Variants in CACNA1A observed in about 807,000 individuals in gnomAD.
The protein encoded by CACNA1A is voltage-dependent P/Q-type calcium channel subunit alpha-1A.
A neutral mutation model predicts 262.4 loss-of-function variants in CACNA1A; 57 were observed. The ratio of observed to expected loss-of-function variants is 0.22; its 90% CI spans 0.18 to 0.27. The LOEUF (loss-of-function observed/expected upper bound fraction) is 0.27. CACNA1A is among the 10% of genes least tolerant of loss of function. The pLI is 1.00. For synonymous variants in CACNA1A, 1,431 were observed against 1,419.3 expected (o/e 1.01, Z -0.18); for missense variants, 2,526 against 3,562.8 (o/e 0.71, Z 7.41).
chr19:13,224,835 C>G, intron 37 of CACNA1A, 63 bp from the exon 38 acceptor site: 3 of 1,199,372 alleles, frequency 2.5e-6, no homozygotes. Flanking sequence ...TCCCGTGAGC[C>G]GCGCCCGCCC....
intron 2 of CACNA1A, among the ~76,000 whole-genome samples, chr19:13,453,296 A>G (rs1379246753): frequency 6.6e-6 from 1 of 152,234 alleles, no homozygotes; most frequent in Non-Finnish European, 1.5e-5. Flanking sequence ...GTCTTATTCA[A>G]TACGACAGTC....
intron 30 of CACNA1A, chr19:13,252,618 G>A (rs980574933): frequency 6.5e-6 from 1 of 154,462 alleles, no homozygotes; most frequent in Non-Finnish European, 1.4e-5. Context: ...TCGAACTCCC[G>A]ACCTCAGGTG....
intron 1 of CACNA1A, among the ~76,000 whole-genome samples, chr19:13,460,376 C>T (rs1242931289): frequency 6.6e-6 from 1 of 152,182 alleles, no homozygotes; most frequent in Non-Finnish European, 1.5e-5. Flanking sequence ...GCTTTCTCCT[C>T]CACGTTCTGA....
At chr19:13,465,644 C>T (rs1211866029) in intron 1 of CACNA1A, among the ~76,000 whole-genome samples, 1 of 152,116 alleles carries the variant, frequency 6.6e-6, no homozygotes, top group East Asian at 1.9e-4. Context: ...GTCACCACAC[C>T]TGGCTAGTTT....
At chr19:13,459,802 C>G (rs948480697) in intron 1 of CACNA1A, among the ~76,000 whole-genome samples, 2 of 152,110 alleles carry the variant, frequency 1.3e-5, no homozygotes, top group Non-Finnish European at 2.9e-5. Flanking sequence ...TCCTTTGGAC[C>G]GGCTCTGGCA....
At chr19:13,310,591 C>T (rs2058015870) in intron 12 of CACNA1A, among the ~76,000 whole-genome samples, 1 of 141,862 alleles carries the variant, frequency 7.0e-6, no homozygotes, top group African/African-American at 2.6e-5. Flanking sequence ...CTAGCTCCTG[C>T]CTCCTTCTGT....
intron 3 of CACNA1A, among the ~76,000 whole-genome samples, chr19:13,412,483 CT>C (rs530607540): frequency 0.061 from 8,816 of 144,820 alleles, 777 homozygotes; most frequent in African/African-American, 0.21. Context: ...TTTTTCTTTT[CT>C]TTTTTTTTTT....
At chr19:13,424,074 C>T (rs138359389) in intron 3 of CACNA1A, among the ~76,000 whole-genome samples, 5 of 152,056 alleles carry the variant, frequency 3.3e-5, no homozygotes, top group African/African-American at 9.6e-5. Flanking sequence ...GCTGGCCAGG[C>T]GTGGTGGCTT....
intron 27 of CACNA1A, 146 bp from the exon 28 acceptor site, chr19:13,257,697 G>GT: frequency 2.0e-6 from 1 of 501,586 alleles, no homozygotes; most frequent in Non-Finnish European, 3.5e-6. Context: ...AGTAGTCGCT[G>GT]TTTTTTGAAA....
chr19:13,227,179 C>G, intron 37 of CACNA1A: 1 of 261,616 alleles, frequency 3.8e-6, no homozygotes. Context: ...CCCGGCATGT[C>G]GGCCATAATG....
intron 22 of CACNA1A, among the ~76,000 whole-genome samples, 165 bp downstream of exon 22, chr19:13,283,102 G>A (rs1259085995): frequency 6.6e-6 from 1 of 152,184 alleles, no homozygotes; most frequent in Non-Finnish European, 1.5e-5. Context: ...GCTCCCAAGA[G>A]CATCCCCAAG....
At chr19:13,392,271 C>A (rs1025969181) in intron 3 of CACNA1A, among the ~76,000 whole-genome samples, 1 of 152,022 alleles carries the variant, frequency 6.6e-6, no homozygotes, top group Non-Finnish European at 1.5e-5. Context: ...TTAGTGAAGG[C>A]CAGTGCATTC....
intron 3 of CACNA1A, among the ~76,000 whole-genome samples, chr19:13,403,133 G>A (rs1290608579): frequency 6.6e-6 from 1 of 151,260 alleles, no homozygotes; most frequent in Non-Finnish European, 1.5e-5. Flanking sequence ...TCCCACCTGC[G>A]AACACACCAT....
At chr19:13,231,079 C>T (rs1395319617) in intron 35 of CACNA1A, among the ~76,000 whole-genome samples, 1 of 151,950 alleles carries the variant, frequency 6.6e-6, no homozygotes, top group East Asian at 1.9e-4. Context: ...TCATGGCTCA[C>T]TGCAGCCTCG....
chr19:13,314,823 T>C (rs2058093817), intron 11 of CACNA1A, among the ~76,000 whole-genome samples: 1 of 152,164 alleles, frequency 6.6e-6, no homozygotes, highest in Admixed American at 6.5e-5. Flanking sequence ...TTCTCCTTAT[T>C]TATAGGACGC....
chr19:13,411,668 CTCTCTCTCTT>C (rs915942520), intron 3 of CACNA1A, among the ~76,000 whole-genome samples: 2 of 150,988 alleles, frequency 1.3e-5, no homozygotes, highest in Non-Finnish European at 2.9e-5. Context: ...CTTGACTTCC[CTCTCTCTCTT>C]TCTCTCTCTT....
At chr19:13,328,224 A>G (rs2058401673) in intron 10 of CACNA1A, among the ~76,000 whole-genome samples, 1 of 152,230 alleles carries the variant, frequency 6.6e-6, no homozygotes, top group Non-Finnish European at 1.5e-5. Flanking sequence ...ATTTTAAACA[A>G]TGGAGGTAAC....
chr19:13,276,965 G>A (rs771497403), intron 23 of CACNA1A, 104 bp downstream of exon 23: 11 of 737,694 alleles, frequency 1.5e-5, no homozygotes, highest in East Asian at 8.4e-5. Flanking sequence ...GCCTGCCTCA[G>A]CCTCCCAAAG....
chr19:13,255,047 A>G (rs1367277880), intron 29 of CACNA1A, 48 bp downstream of exon 29: 11 of 1,595,382 alleles, frequency 6.9e-6, no homozygotes, highest in Non-Finnish European at 8.6e-6. Flanking sequence ...TAGAGGCAGG[A>G]ACGAGGTGGG....
Sources: allele counts gnomAD v4.1 joint callset (sites outside exome capture counted in the v4.1 genomes callset), GRCh38; gene constraint gnomAD v4.1.1; transcripts MANE v1.5; gene names NCBI Gene and HGNC (gene_info 2026-07-23, HGNC 2026-07-21).